Variants in BRAF observed in about 807,000 individuals in gnomAD.
BRAF encodes B-Raf proto-oncogene, serine/threonine kinase, also known as serine/threonine-protein kinase B-raf.
In BRAF, 16 loss-of-function variants were observed where a neutral mutation model predicts 104.6. That is an observed-to-expected ratio of 0.15 (90% confidence interval 0.10 to 0.23). The LOEUF is 0.23. BRAF is among the 10% of genes least tolerant of loss of function. The pLI is 1.00. For synonymous variants in BRAF, 310 were observed against 341.6 expected, an observed-to-expected ratio of 0.91 and a Z score of 1.02; for missense variants, 541 against 937.3, an observed-to-expected ratio of 0.58 and a Z score of 5.52.
intron 16 of BRAF, 139 bp from the exon 16 acceptor site, chr7:140,749,557 GAAAT>G: frequency 1.1e-6 from 1 of 911,116 alleles, no homozygotes; most frequent in Non-Finnish European, 1.6e-6. Flanking sequence ...AATAGTCAAA[GAAAT>G]AAAACTGATT....
Position 140,720,703 on chromosome 7 carries a change from C to T in BRAF, c.*5791G>A. On this transcript the variant is annotated 3_prime_UTR_variant, in exon 20 of 20. Coordinates refer to ENST00000644969, the MANE Select transcript of BRAF (RefSeq NM_001374258.1). Reference sequence around the variant, plus strand: ...TGGTCTCTGTTCTCTACATCTGTGCCTACTCTGTGAGCTTTGTTGTTTATG... The same window carrying T: ...TGGTCTCTGTTCTCTACATCTGTGCTTACTCTGTGAGCTTTGTTGTTTATG... The T allele has an allele frequency of 2.1e-5, 22 of 1,065,884 alleles. 1 individual carries two copies. The highest frequency in any genetic ancestry group is 2.5e-5 in the Non-Finnish European group (22 of 879,680). The allele number at this position is 1,065,884 out of a possible 1,614,324, so 66.0% of individuals were successfully genotyped here. A position where few individuals can be genotyped will look rare whatever the true frequency, so the allele number is the denominator to read the frequency against.
At chr7:140,808,438 C>T (rs1238274625) in intron 4 of BRAF, 2 of 349,598 alleles carry the variant, frequency 5.7e-6, no homozygotes, top group East Asian at 1.5e-4. Flanking sequence ...ACAGGGACAA[C>T]ATGCCCCCAA....
chr7:140,919,492 G>A (rs1044447852), intron 1 of BRAF, among the ~76,000 whole-genome samples: 3 of 151,682 alleles, frequency 2.0e-5, no homozygotes, highest in Non-Finnish European at 4.4e-5. Context: ...GAGAAAACAT[G>A]GACACAAAAA....
At chr7:140,849,825 TAAATA>T (rs1808966286) in intron 2 of BRAF, among the ~76,000 whole-genome samples, 1 of 151,118 alleles carries the variant, frequency 6.6e-6, no homozygotes, top group African/African-American at 2.4e-5. Context: ...AAAAAATAAA[TAAATA>T]AAATAAAAAT....
chr7:140,763,070 T>C (rs545923101), intron 14 of BRAF, among the ~76,000 whole-genome samples: 189 of 152,348 alleles, frequency 1.2e-3, no homozygotes, highest in Middle Eastern at 3.4e-3. Flanking sequence ...CCCCTCCTTC[T>C]ATTCCACAAA....
rs574650268 is a variant in BRAF at position 140,797,574 on chromosome 7, T to C, written c.980+2788A>G. 3.9e-5 allele frequency among the ~76,000 whole-genome samples: 6 copies of C among 152,324 alleles called. No individual in the cohort carries two copies. In the South Asian group the frequency reaches 1.0e-3, roughly 26 times the overall value. ...CTTACAGACAAGTTTGAACATCTTA[T>C]CATTTGCTCAAGATCAGAATATATT... On this transcript the variant is annotated intron_variant, in intron 7 of 19. Coordinates refer to ENST00000644969, the MANE Select transcript of BRAF (RefSeq NM_001374258.1).
intron 10 of BRAF, among the ~76,000 whole-genome samples, chr7:140,784,013 T>C (rs1443690838): frequency 1.3e-5 from 2 of 152,182 alleles, no homozygotes; most frequent in Non-Finnish European, 2.9e-5. Context: ...TAAGGTACAG[T>C]AGCACCTGGT....
chr7:140,844,657 G>A (rs2129069725), intron 2 of BRAF, among the ~76,000 whole-genome samples: 1 of 152,294 alleles, frequency 6.6e-6, no homozygotes, highest in South Asian at 2.1e-4. Flanking sequence ...TGAGCACAGT[G>A]GCTTGCACCT....
Position 140,722,409 on chromosome 7 carries a change from C to CT in BRAF, c.*4084dup. 1 of 1,054,094 alleles carries CT rather than the reference C, an allele frequency of 9.5e-7. No homozygotes were observed. Among genetic ancestry groups the CT allele is most frequent in the Admixed American group, 5.4e-5 (1 of 18,352 alleles). The allele number at this position is 1,054,094 out of a possible 1,614,324, so 65.3% of individuals were successfully genotyped here. On this transcript the variant is annotated 3_prime_UTR_variant, in exon 20 of 20. Coordinates refer to ENST00000644969, the MANE Select transcript of BRAF (RefSeq NM_001374258.1). ...TCACTGATTTCTGCTAAAATGTTAG[C>CT]TTTTTTATTGCATCATGAAGGCACA...
rs121913336 is a variant in BRAF at position 140,753,374 on chromosome 7, G to A, written c.1881C>T (p.Asp627=). 1.2e-6 allele frequency: 2 copies of A among 1,606,134 alleles called. No individual in the cohort carries two copies. The highest frequency in any genetic ancestry group is 4.5e-5 in the East Asian group (2 of 44,766). The part of the protein sequence containing the change: ...LKSNNIFLHE[D]LTVKIGDFGL... ...CAAAATCACCTATTTTTACTGTGAG[G>A]TCTTCATGAAGAAATATATCTGAGG... is the stretch of plus-strand genomic sequence containing the variant. The change falls in exon 16 of 20, where the codon GAC becomes GAT. Residue 627 remains aspartate (D), a synonymous_variant. Transcript: ENST00000644969.
chr7:140,822,268 AAC>A (rs1456849995), intron 3 of BRAF: 1 of 152,200 alleles, frequency 6.6e-6, no homozygotes, highest in Non-Finnish European at 1.5e-5. Context: ...AAAACAAACA[AAC>A]AGATTTATCT....
chr7:140,719,243 A>T, downstream of BRAF: 1 of 493,326 alleles, frequency 2.0e-6, no homozygotes, highest in African/African-American at 2.1e-5. Context: ...TACATTTCTC[A>T]GTCTCTCCAT....
chr7:140,899,354 C>A (rs988880341), intron 1 of BRAF, among the ~76,000 whole-genome samples: 1 of 152,194 alleles, frequency 6.6e-6, no homozygotes, highest in Non-Finnish European at 1.5e-5. Context: ...TTGATGCATA[C>A]TCAAGAACCA....
intron 6 of BRAF, 32 bp from the exon 7 acceptor site, chr7:140,800,513 T>G: frequency 6.2e-7 from 1 of 1,613,978 alleles, no homozygotes; most frequent in South Asian, 1.1e-5. Flanking sequence ...ACCTAACTTG[T>G]GCAAAACCCA....
intron 1 of BRAF, among the ~76,000 whole-genome samples, chr7:140,872,240 T>C (rs1186726463): frequency 6.6e-6 from 1 of 151,430 alleles, no homozygotes; most frequent in Non-Finnish European, 1.5e-5. Context: ...AATAAATAAA[T>C]AAATTGCACA....
At chr7:140,906,292 C>T (rs1816326115) in intron 1 of BRAF, among the ~76,000 whole-genome samples, 1 of 151,884 alleles carries the variant, frequency 6.6e-6, no homozygotes. Flanking sequence ...GCCTCAACCT[C>T]CTGGGCTCAA....
Position 140,723,564 on chromosome 7 carries a change from C to T in BRAF, c.*2930G>A, listed in dbSNP as rs1012244929. 4.8e-6 allele frequency: 5 copies of T among 1,048,620 alleles called. No homozygotes were observed. In the African/African-American group the frequency reaches 8.3e-5, roughly 17 times the overall value. 65.0% of individuals were successfully genotyped at this position (1,048,620 alleles called of 1,614,324 possible). A position where few individuals can be genotyped will look rare whatever the true frequency, so the allele number is the denominator to read the frequency against. ...TCTATTCACAAATCCCTTTTATAAA[C>T]TATTTTTTTGGTCAATATTATTTCA... On this transcript the variant is annotated 3_prime_UTR_variant, in exon 20 of 20. Transcript: ENST00000644969.
chr7:140,807,384 T>C (rs1803768439), intron 5 of BRAF, among the ~76,000 whole-genome samples: 1 of 152,162 alleles, frequency 6.6e-6, no homozygotes, highest in Non-Finnish European at 1.5e-5. Context: ...ATATAATGAA[T>C]TCCTATTCTT....
chr7:140,740,031 CTG>C (rs1473792293), intron 17 of BRAF, 85 bp from the exon 17 acceptor site: 1 of 1,420,894 alleles, frequency 7.0e-7, no homozygotes, highest in Admixed American at 1.8e-5. Context: ...ACACAATAAG[CTG>C]TACATTTACA....
Sources: allele counts gnomAD v4.1 joint callset (sites outside exome capture counted in the v4.1 genomes callset), GRCh38; gene constraint gnomAD v4.1.1; transcripts MANE v1.5; gene names NCBI Gene and HGNC (gene_info 2026-07-23, HGNC 2026-07-21).